Variants in EYS observed in about 807,000 individuals in gnomAD.
EYS encodes the protein EGF-like photoreceptor maintenance factor.
Under a neutral mutation model 282.1 loss-of-function variants are expected in EYS, and 250 were observed. That is an observed-to-expected ratio of 0.89 (90% CI 0.80 to 0.98). EYS has a LOEUF of 0.98. Ranked by LOEUF, EYS falls within the 50% of genes least tolerant of loss-of-function variation. The probability of loss-of-function intolerance (pLI) is 0.00; values close to 1 mark genes in which losing one functional copy is unlikely to be tolerated. For synonymous variants in EYS, 1,355 were observed against 1,282.9 expected, an observed-to-expected ratio of 1.06 and a Z score of -1.20; for missense variants, 4,016 against 3,709.0, an observed-to-expected ratio of 1.08 and a Z score of -2.15.
chr6:65,120,787 A>G (rs1401634447), intron 12 of EYS, among the ~76,000 whole-genome samples: 1 of 152,092 alleles, frequency 6.6e-6, no homozygotes, highest in Non-Finnish European at 1.5e-5. Context: ...TCCTTTTATC[A>G]ATCCCAATGA....
intron 30 of EYS, among the ~76,000 whole-genome samples, chr6:64,243,153 T>G (rs1766891758): frequency 6.6e-6 from 1 of 151,566 alleles, no homozygotes; most frequent in South Asian, 2.1e-4. Flanking sequence ...AGTGAGTATT[T>G]TTATTCATAT....
At chr6:64,029,746 G>A (rs1037797600) in intron 33 of EYS, among the ~76,000 whole-genome samples, 12 of 152,356 alleles carry the variant, frequency 7.9e-5, no homozygotes, top group Admixed American at 1.3e-4. Context: ...ATACTTGAAA[G>A]TAAGCCTCTT....
At chr6:65,447,144 T>C (rs1306580815) in intron 5 of EYS, among the ~76,000 whole-genome samples, 1 of 151,214 alleles carries the variant, frequency 6.6e-6, no homozygotes, top group African/African-American at 2.4e-5. Context: ...AGTAAGACTT[T>C]AAATACAGTT....
chr6:64,180,460 T>C (rs1249124613), intron 31 of EYS, among the ~76,000 whole-genome samples: 2 of 152,156 alleles, frequency 1.3e-5, no homozygotes, highest in Non-Finnish European at 2.9e-5. Context: ...CTTGTGGATG[T>C]GCAGGTTTGT....
intron 5 of EYS, among the ~76,000 whole-genome samples, chr6:65,457,136 CTTT>C (rs1764651334): frequency 6.9e-6 from 1 of 144,750 alleles, no homozygotes; most frequent in Middle Eastern, 3.4e-3. Context: ...TGTTTTCTCT[CTTT>C]TGTTGTTGTT....
intron 35 of EYS, among the ~76,000 whole-genome samples, chr6:63,977,606 G>T (rs1290196465): frequency 6.6e-6 from 1 of 151,942 alleles, no homozygotes; most frequent in Non-Finnish European, 1.5e-5. Context: ...AGCTGTGAAG[G>T]ACTGGGTGGA....
rs116340903 is a variant in EYS at position 64,711,753 on chromosome 6, C to T, written c.3444-85508G>A. On this transcript the variant is annotated intron_variant, in intron 22 of 42. Transcript: ENST00000503581. ...ATTCTAAATACGCTATGCTATTCCT[C>T]AGAACCTTTTCAGACTTGCGCCCCT... 9.2e-3 allele frequency among the ~76,000 whole-genome samples: 1,404 copies of T among 152,272 alleles called. 28 individuals are homozygous for T. Among genetic ancestry groups the T allele is most frequent in the African/African-American group, 0.032 (1,318 of 41,554 alleles).
chr6:64,607,582 G>A (rs1032384463), intron 24 of EYS, among the ~76,000 whole-genome samples: 4 of 151,952 alleles, frequency 2.6e-5, no homozygotes, highest in African/African-American at 9.7e-5. Context: ...CCTCCCAAAA[G>A]CCCTACATTC....
intron 22 of EYS, among the ~76,000 whole-genome samples, chr6:64,685,134 T>C (rs1246345585): frequency 6.6e-6 from 1 of 151,998 alleles, no homozygotes. Flanking sequence ...ATTATAATAA[T>C]ATCAGACAGA....
chr6:64,355,780 C>G (rs1288565583), intron 29 of EYS, among the ~76,000 whole-genome samples: 4 of 151,626 alleles, frequency 2.6e-5, no homozygotes, highest in Non-Finnish European at 5.9e-5. Context: ...AGGCAGAGCT[C>G]TCCCTAGCAG....
intron 19 of EYS, among the ~76,000 whole-genome samples, chr6:64,834,571 A>T (rs1334649394): frequency 6.6e-6 from 1 of 151,860 alleles, no homozygotes; most frequent in Non-Finnish European, 1.5e-5. Context: ...CAAAATTAAG[A>T]AAACATCTTA....
At chr6:64,776,730 G>A (rs560270247) in intron 22 of EYS, among the ~76,000 whole-genome samples, 3 of 152,154 alleles carry the variant, frequency 2.0e-5, no homozygotes, top group African/African-American at 7.2e-5. Flanking sequence ...GGTGCTTAGG[G>A]AATGAATAAC....
At chr6:64,453,787 C>T (rs911235992) in intron 26 of EYS, among the ~76,000 whole-genome samples, 1 of 151,982 alleles carries the variant, frequency 6.6e-6, no homozygotes, top group East Asian at 1.9e-4. Flanking sequence ...TGTTCTCACT[C>T]GTAGGTGGGA....
chr6:65,250,651 C>T (rs554535781), intron 12 of EYS, among the ~76,000 whole-genome samples: 2 of 151,890 alleles, frequency 1.3e-5, no homozygotes, highest in African/African-American at 4.8e-5. Flanking sequence ...AAAACATTCT[C>T]AAGGAGATAA....
intron 22 of EYS, among the ~76,000 whole-genome samples, chr6:64,692,477 C>T (rs372268566): frequency 1.8e-4 from 27 of 152,178 alleles, no homozygotes; most frequent in African/African-American, 5.3e-4. Context: ...AATTCACTTG[C>T]GCTTATCTAG....
intron 30 of EYS, among the ~76,000 whole-genome samples, chr6:64,280,475 ATG>A (rs1213190888): frequency 6.6e-6 from 1 of 152,100 alleles, no homozygotes; most frequent in Non-Finnish European, 1.5e-5. Context: ...AAACTTGTAG[ATG>A]TGTGACTTCA....
chr6:64,366,531 G>T (rs545501550), intron 29 of EYS, among the ~76,000 whole-genome samples: 1 of 152,094 alleles, frequency 6.6e-6, no homozygotes, highest in East Asian at 1.9e-4. Context: ...TTTATTTTCT[G>T]TACATAAAAT....
intron 2 of EYS, among the ~76,000 whole-genome samples, chr6:65,631,172 G>A (rs1766897398): frequency 6.6e-6 from 1 of 152,164 alleles, no homozygotes; most frequent in Non-Finnish European, 1.5e-5. Context: ...TGGTGACAAT[G>A]AAGACAGATG....
At chr6:64,154,428 G>A (rs1185023482) in intron 31 of EYS, among the ~76,000 whole-genome samples, 3 of 106,566 alleles carry the variant, frequency 2.8e-5, no homozygotes, top group Non-Finnish European at 5.5e-5. Context: ...CAATAAGTGG[G>A]AAACTCCGTC....
Sources: gnomAD v4.1 joint callset for allele counts (sites outside exome capture counted in the v4.1 genomes callset) on GRCh38, gnomAD v4.1.1 for gene constraint, MANE v1.5 for transcripts, NCBI Gene and HGNC (gene_info 2026-07-23, HGNC 2026-07-21) for gene names.